The following TTC39C variants were observed in gnomAD, a reference collection of about 807,000 sequenced individuals.
The protein encoded by TTC39C is tetratricopeptide repeat domain 39C.
TTC39C carries 33 observed loss-of-function variants against 76.3 expected under a neutral mutation model. That is an observed-to-expected ratio of 0.43 (90% CI 0.33 to 0.58). TTC39C has a LOEUF of 0.58. Ranked by LOEUF, TTC39C falls within the 20% of genes least tolerant of loss-of-function variation. TTC39C has a pLI of 0.04. For synonymous variants in TTC39C, 254 were observed against 260.6 expected (o/e 0.97, Z 0.24); for missense variants, 595 against 701.4 (o/e 0.85, Z 1.71).
chr18:24,103,358 G>A (rs1334238040), intron 6 of TTC39C, among the ~76,000 whole-genome samples: 1 of 152,194 alleles, frequency 6.6e-6, no homozygotes, highest in Non-Finnish European at 1.5e-5. Context: ...AGTAGGCACT[G>A]GAGGTGGTCT....
chr18:24,107,896 G>GC (rs1555776828), intron 6 of TTC39C, among the ~76,000 whole-genome samples: 2 of 124,206 alleles, frequency 1.6e-5, no homozygotes, highest in African/African-American at 4.6e-5. Flanking sequence ...GTAGGGGGGG[G>GC]GGTACAGGCA....
At chr18:24,108,699 TAGTTAGTTG>T (rs2084776041) in intron 6 of TTC39C, among the ~76,000 whole-genome samples, 1 of 152,250 alleles carries the variant, frequency 6.6e-6, no homozygotes, top group South Asian at 2.1e-4. Context: ...ATGTCACCTG[TAGTTAGTTG>T]CTCCATCCCT....
At chr18:24,038,133 T>G (rs2083752618) in intron 1 of TTC39C, among the ~76,000 whole-genome samples, 1 of 152,186 alleles carries the variant, frequency 6.6e-6, no homozygotes, top group South Asian at 2.1e-4. Flanking sequence ...CTCTTTATTT[T>G]CATATATAAA....
chr18:23,999,883 G>C (rs1300170150), intron 1 of TTC39C, among the ~76,000 whole-genome samples: 1 of 152,176 alleles, frequency 6.6e-6, no homozygotes, highest in Non-Finnish European at 1.5e-5. Context: ...TATCAGTCAG[G>C]GTTCTTACTT....
chr18:24,094,909 A>G (rs1260152201), intron 6 of TTC39C, among the ~76,000 whole-genome samples: 2 of 152,262 alleles, frequency 1.3e-5, no homozygotes, highest in East Asian at 3.8e-4. Context: ...CAGCTGAATT[A>G]GCCTCTTAGA....
rs752098333 is a variant in TTC39C at position 24,066,000 on chromosome 18, C to T, written c.217-12C>T. 9.0e-6 allele frequency: 14 copies of T among 1,550,878 alleles called. No individual in the cohort carries two copies. The South Asian group carries it at 1.7e-4, about 19-fold the overall frequency. ...TAATTCATTCATTCATTCATTCTTTCTTTCTTGGAAGAATGCCATGATGAC... is the reference window on the plus strand; with the variant it reads ...TAATTCATTCATTCATTCATTCTTTTTTTCTTGGAAGAATGCCATGATGAC... On this transcript the variant is annotated splice_polypyrimidine_tract_variant and intron_variant, in intron 2 of 13. Coordinates refer to ENST00000317571, the MANE Select transcript of TTC39C (RefSeq NM_001135993.2).
At chr18:24,071,726 A>G (rs2084243737) in intron 4 of TTC39C, among the ~76,000 whole-genome samples, 1 of 152,242 alleles carries the variant, frequency 6.6e-6, no homozygotes, top group Non-Finnish European at 1.5e-5. Flanking sequence ...TTTGGGGGGT[A>G]TTAGTGAGAT....
intron 4 of TTC39C, among the ~76,000 whole-genome samples, chr18:24,078,545 G>A (rs1274701431): frequency 6.6e-6 from 1 of 152,214 alleles, no homozygotes; most frequent in Non-Finnish European, 1.5e-5. Flanking sequence ...TCAGCAAAGG[G>A]AAAAAGCACA....
At chr18:24,008,110 A>G (rs1366927762) in intron 1 of TTC39C, among the ~76,000 whole-genome samples, 1 of 152,176 alleles carries the variant, frequency 6.6e-6, no homozygotes, top group Non-Finnish European at 1.5e-5. Flanking sequence ...ATAACCCACG[A>G]TTTAGACTCC....
At chr18:24,058,987 G>A (rs538644354) in intron 1 of TTC39C, among the ~76,000 whole-genome samples, 7 of 152,228 alleles carry the variant, frequency 4.6e-5, no homozygotes, top group African/African-American at 1.7e-4. Context: ...ACTGATTCCT[G>A]GAAGTTTTTA....
At chr18:24,055,342 A>G (rs1451073793) in intron 1 of TTC39C, among the ~76,000 whole-genome samples, 1 of 152,054 alleles carries the variant, frequency 6.6e-6, no homozygotes, top group Non-Finnish European at 1.5e-5. Flanking sequence ...ACCACCTTAT[A>G]CTCCCACCAA....
chr18:24,061,593 T>TATAA (rs1555771950), intron 1 of TTC39C, among the ~76,000 whole-genome samples: 1 of 95,824 alleles, frequency 1.0e-5, no homozygotes, highest in Non-Finnish European at 2.0e-5. Flanking sequence ...TTGAAATAAG[T>TATAA]AAAAAAAAAA....
intron 6 of TTC39C, among the ~76,000 whole-genome samples, chr18:24,091,086 C>T (rs1043455899): frequency 3.3e-5 from 5 of 152,184 alleles, no homozygotes; most frequent in East Asian, 1.9e-4. Flanking sequence ...GGATTACAGG[C>T]GTAAGCCGCC....
chr18:24,007,827 A>T (rs2083366123), intron 1 of TTC39C, among the ~76,000 whole-genome samples: 4 of 152,234 alleles, frequency 2.6e-5, no homozygotes, highest in Admixed American at 2.6e-4. Flanking sequence ...AATTGCACAG[A>T]CTTTATTTTA....
chr18:24,060,515 C>T (rs1487908358), intron 1 of TTC39C, among the ~76,000 whole-genome samples: 3 of 151,862 alleles, frequency 2.0e-5, no homozygotes. Flanking sequence ...ACCATGTTAG[C>T]CAGGCTGGTC....
At chr18:24,118,566 G>A (rs1248325527) in intron 8 of TTC39C, among the ~76,000 whole-genome samples, 1 of 151,824 alleles carries the variant, frequency 6.6e-6, no homozygotes, top group African/African-American at 2.4e-5. Flanking sequence ...GCCTCAACCT[G>A]TCTCTATCCC....
chr18:24,082,818 G>T (rs2084392951), intron 5 of TTC39C, 95 bp from the exon 6 acceptor site: 1 of 1,272,992 alleles, frequency 7.9e-7, no homozygotes, highest in African/African-American at 1.5e-5. Context: ...TTTTTGGATA[G>T]AGTAGTATTG....
intron 1 of TTC39C, chr18:24,000,478 C>T (rs1021798154): frequency 6.6e-5 from 10 of 152,212 alleles, no homozygotes; most frequent in African/African-American, 2.4e-4. Flanking sequence ...GACTTTAGTC[C>T]TCCAGAACTG....
At chr18:24,058,224 C>T (rs1234733724) in intron 1 of TTC39C, among the ~76,000 whole-genome samples, 2 of 152,164 alleles carry the variant, frequency 1.3e-5, no homozygotes, top group African/African-American at 4.8e-5. Flanking sequence ...TGCTTATTAC[C>T]TGGGTGATGA....
Sources: allele counts gnomAD v4.1 joint callset (sites outside exome capture counted in the v4.1 genomes callset), GRCh38; gene constraint gnomAD v4.1.1; transcripts MANE v1.5; gene names NCBI Gene and HGNC (gene_info 2026-07-23, HGNC 2026-07-21).